Variants in SPIDR observed in about 807,000 individuals in gnomAD.
SPIDR encodes DNA repair-scaffolding protein.
A neutral mutation model predicts 104.6 loss-of-function variants in SPIDR; 93 were observed. That is an observed-to-expected ratio of 0.89 (90% CI 0.75 to 1.06). SPIDR has a LOEUF of 1.06. Ranked by LOEUF, SPIDR falls within the 50% of genes least tolerant of loss-of-function variation. The pLI, the probability that SPIDR is intolerant of heterozygous loss-of-function variation, is 0.00. For missense variants in SPIDR, 1,154 were observed against 1,111.2 expected, an observed-to-expected ratio of 1.04 and a Z score of -0.55; for synonymous variants, 431 against 416.9, an observed-to-expected ratio of 1.03 and a Z score of -0.41.
chr8:47,320,020 A>G (rs1586890139), intron 5 of SPIDR, among the ~76,000 whole-genome samples: 1 of 151,944 alleles, frequency 6.6e-6, no homozygotes, highest in Admixed American at 6.6e-5. Flanking sequence ...TGACACCCTA[A>G]CATCACAATT....
At chr8:47,559,972 C>T (rs373488135) in intron 8 of SPIDR, among the ~76,000 whole-genome samples, 1 of 152,090 alleles carries the variant, frequency 6.6e-6, no homozygotes, top group East Asian at 1.9e-4. Flanking sequence ...ATTCTTATTC[C>T]CTTTGGGAAA....
At chr8:47,715,485 A>C (rs773938701) in intron 16 of SPIDR, among the ~76,000 whole-genome samples, 1 of 152,062 alleles carries the variant, frequency 6.6e-6, no homozygotes, top group Non-Finnish European at 1.5e-5. Flanking sequence ...CCTATTCTGG[A>C]CACTTCATGT....
chr8:47,678,050 AAAAG>A (rs1223341026), intron 11 of SPIDR, among the ~76,000 whole-genome samples: 1 of 152,138 alleles, frequency 6.6e-6, no homozygotes, highest in Non-Finnish European at 1.5e-5. Context: ...AAAAAAAAAA[AAAAG>A]AAAAAGTTAA....
chr8:47,320,069 C>T (rs79388849), intron 5 of SPIDR, among the ~76,000 whole-genome samples: 2 of 151,876 alleles, frequency 1.3e-5, no homozygotes, highest in African/African-American at 4.8e-5. Context: ...CATTCAAAAG[C>T]TAGCAGAAGG....
chr8:47,680,987 C>T (rs1052717074), intron 11 of SPIDR, among the ~76,000 whole-genome samples: 4 of 152,290 alleles, frequency 2.6e-5, no homozygotes, highest in East Asian at 1.9e-4. Flanking sequence ...TCACTTGAAC[C>T]GGGAGGCGGA....
At chr8:47,381,730 A>C (rs2059351151) in intron 5 of SPIDR, among the ~76,000 whole-genome samples, 1 of 152,246 alleles carries the variant, frequency 6.6e-6, no homozygotes, top group African/African-American at 2.4e-5. Context: ...GTCTGGGCTC[A>C]GCTGGACCTG....
chr8:47,585,000 T>C (rs1377688551), intron 8 of SPIDR, among the ~76,000 whole-genome samples: 3 of 152,190 alleles, frequency 2.0e-5, no homozygotes, highest in Non-Finnish European at 4.4e-5. Flanking sequence ...GGAAAAATTA[T>C]ATGGAAATTT....
intron 8 of SPIDR, among the ~76,000 whole-genome samples, chr8:47,569,346 T>C (rs1378698963): frequency 1.3e-5 from 2 of 152,182 alleles, no homozygotes; most frequent in Non-Finnish European, 2.9e-5. Context: ...CCACTTTCAA[T>C]AGGGATTAGA....
At chr8:47,607,723 C>T (rs2063129288) in intron 10 of SPIDR, among the ~76,000 whole-genome samples, 1 of 151,944 alleles carries the variant, frequency 6.6e-6, no homozygotes. Context: ...AGTAGTCTTA[C>T]TACTGCTTAT....
At chr8:47,523,527 T>G (rs2084500259) in intron 8 of SPIDR, among the ~76,000 whole-genome samples, 3 of 152,170 alleles carry the variant, frequency 2.0e-5, no homozygotes, top group Admixed American at 2.0e-4. Context: ...TCAGAAGTCC[T>G]TCGATGTAGC....
At chr8:47,714,423 G>A (rs1053672153) in intron 16 of SPIDR, among the ~76,000 whole-genome samples, 7 of 152,128 alleles carry the variant, frequency 4.6e-5, no homozygotes, top group Admixed American at 1.3e-4. Context: ...GAGAGTTTGC[G>A]TGTTTTACAT....
intron 8 of SPIDR, among the ~76,000 whole-genome samples, chr8:47,462,925 G>C (rs569658065): frequency 6.6e-6 from 1 of 152,222 alleles, no homozygotes; most frequent in South Asian, 2.1e-4. Context: ...AGAATCCTAT[G>C]AACAACTGAA....
intron 10 of SPIDR, among the ~76,000 whole-genome samples, chr8:47,631,613 T>C (rs867301596): frequency 1.1e-4 from 17 of 152,352 alleles, no homozygotes; most frequent in African/African-American, 4.1e-4. Context: ...ATTTTATTTA[T>C]TTGGGACATA....
In SPIDR at chr8:47,712,745, C is replaced by T; in HGVS notation, c.2061C>T (p.Asp687=). 1 of 1,614,100 alleles carries T rather than the reference C, an allele frequency of 6.2e-7. No individual in the cohort carries two copies. Among genetic ancestry groups the T allele is most frequent in the Non-Finnish European group, 8.5e-7 (1 of 1,180,020 alleles). ...CTCTGCAAACGAAGGAGGAGAGAGACCCCAGGCTCCCCAAAACCCTGCTGG... is the reference window on the plus strand; with the variant it reads ...CTCTGCAAACGAAGGAGGAGAGAGATCCCAGGCTCCCCAAAACCCTGCTGG... ...DVTLQTKEER[D]PRLPKTLLVY... is the part of the protein sequence containing the mutation. The change falls in exon 15 of 20, where the codon GAC becomes GAT. Residue 687 remains aspartate (D), a synonymous_variant. Transcript: ENST00000297423.
intron 8 of SPIDR, among the ~76,000 whole-genome samples, chr8:47,488,250 A>G (rs1211225698): frequency 6.6e-6 from 1 of 152,236 alleles, no homozygotes; most frequent in Admixed American, 6.5e-5. Context: ...TAGAAAATCT[A>G]GAAGAAATGG....
intron 5 of SPIDR, among the ~76,000 whole-genome samples, chr8:47,315,568 GGACCTATGTTATACAAA>G (rs1202769213): frequency 6.6e-6 from 1 of 152,052 alleles, no homozygotes; most frequent in Non-Finnish European, 1.5e-5. Flanking sequence ...AAGATAGAAA[GGACCTATGTTATACAAA>G]GCAATCCTGA....
intron 1 of SPIDR, among the ~76,000 whole-genome samples, chr8:47,274,713 A>T (rs1799942818): frequency 6.6e-6 from 1 of 151,038 alleles, no homozygotes; most frequent in Admixed American, 6.6e-5. Flanking sequence ...AGTAGCTGTG[A>T]TTACAGGCAC....
At chr8:47,287,064 GACATC>G (rs2038977591) in intron 3 of SPIDR, among the ~76,000 whole-genome samples, 1 of 152,128 alleles carries the variant, frequency 6.6e-6, no homozygotes, top group Non-Finnish European at 1.5e-5. Context: ...CTCCAGGGGT[GACATC>G]ACATAACAGT....
intron 5 of SPIDR, among the ~76,000 whole-genome samples, chr8:47,303,230 A>T (rs1280888106): frequency 6.6e-6 from 1 of 152,234 alleles, no homozygotes; most frequent in Non-Finnish European, 1.5e-5. Context: ...CCGTGGGCGT[A>T]GGACTCTCCG....
Sources: allele counts gnomAD v4.1 joint callset (sites outside exome capture counted in the v4.1 genomes callset), GRCh38; gene constraint gnomAD v4.1.1; transcripts MANE v1.5; gene names NCBI Gene and HGNC (gene_info 2026-07-23, HGNC 2026-07-21).